Variants in PCNX1 observed in about 807,000 individuals in gnomAD.
The protein encoded by PCNX1 is pecanex 1.
In PCNX1, 78 loss-of-function variants were observed where a neutral mutation model predicts 242.2. The observed-to-expected ratio is 0.32, with a 90% CI of 0.27 to 0.39. The LOEUF (loss-of-function observed/expected upper bound fraction) is 0.39, where lower values mean the gene tolerates loss of function less well. Ranked by LOEUF, PCNX1 falls within the 10% of genes least tolerant of loss-of-function variation. The pLI, the probability that PCNX1 is intolerant of heterozygous loss-of-function variation, is 1.00. For synonymous variants in PCNX1, 1,024 were observed against 1,032.9 expected, an observed-to-expected ratio of 0.99 and a Z score of 0.17; for missense variants, 2,581 against 2,856.5, an observed-to-expected ratio of 0.90 and a Z score of 2.20.
intron 9 of PCNX1, among the ~76,000 whole-genome samples, chr14:71,010,737 T>C (rs1317395360): frequency 6.6e-6 from 1 of 152,120 alleles, no homozygotes; most frequent in Admixed American, 6.5e-5. Flanking sequence ...TTAGGACTTC[T>C]GTTTAATGAT....
intron 2 of PCNX1, among the ~76,000 whole-genome samples, chr14:70,947,400 A>G (rs2526854): frequency 0.7 from 106,915 of 152,034 alleles, 37,595 homozygotes; most frequent in South Asian, 0.77. Context: ...CAGAGGGACC[A>G]GCTGAAGCCA....
At position 71,031,605 on chromosome 14, in the gene PCNX1, C is replaced by T. The variant is rs149941231; in HGVS notation, c.3559-1824C>T. The stretch of plus-strand genomic sequence containing the variant: ...ACTCAGTCTAATCCTGCACAATAGA[C>T]TTAGGCAGCCCAGCTCTGCAGCTCA... On this transcript the variant is annotated intron_variant, in intron 16 of 35. Coordinates refer to ENST00000304743, the MANE Select transcript of PCNX1 (RefSeq NM_014982.3). The T allele has an allele frequency of 1.1e-3, 654 of 568,910 alleles. 7 individuals are homozygous for T. Among genetic ancestry groups the T allele is most frequent in the African/African-American group, 0.011 (606 of 53,826 alleles). 35.2% of individuals were successfully genotyped at this position (568,910 alleles called of 1,614,324 possible). A position where few individuals can be genotyped will look rare whatever the true frequency, so the allele number is the denominator to read the frequency against.
chr14:70,986,111 C>A (rs185764166), intron 6 of PCNX1, among the ~76,000 whole-genome samples: 2 of 152,264 alleles, frequency 1.3e-5, no homozygotes, highest in African/African-American at 4.8e-5. Context: ...TCGACTATTC[C>A]AAATAGAGAT....
In PCNX1 at chr14:70,914,872, C is replaced by T. The variant is rs141823706; in HGVS notation, c.153+6869C>T. On this transcript the variant is annotated intron_variant, in intron 1 of 35. Coordinates refer to ENST00000304743, the MANE Select transcript of PCNX1 (RefSeq NM_014982.3). ...GAGTTTTGATAAATGCACACGTTTG[C>T]GTAGTGTAGACTTGGCATGTTGTAG... 5.5e-4 allele frequency among the ~76,000 whole-genome samples: 84 copies of T among 152,272 alleles called. 2 individuals carry two copies. The East Asian group carries it at 0.012, about 22-fold the overall frequency.
chr14:71,029,583 A>C (rs2060326931), intron 16 of PCNX1, among the ~76,000 whole-genome samples: 1 of 152,234 alleles, frequency 6.6e-6, no homozygotes, highest in African/African-American at 2.4e-5. Context: ...GAAGGTTATG[A>C]AAACAGTTCT....
chr14:70,962,074 T>TG (rs2058235172), intron 2 of PCNX1, 152 bp from the exon 3 acceptor site: 2 of 587,746 alleles, frequency 3.4e-6, no homozygotes, highest in African/African-American at 1.9e-5. Flanking sequence ...AAATGAAGAA[T>TG]GATCGTTGTT....
intron 8 of PCNX1, among the ~76,000 whole-genome samples, chr14:70,999,581 A>C (rs2059445966): frequency 6.6e-6 from 1 of 152,048 alleles, no homozygotes; most frequent in Non-Finnish European, 1.5e-5. Flanking sequence ...GCTTGAATTG[A>C]TTTTCCTTAG....
At chr14:70,992,792 T>C (rs1223042833) in intron 7 of PCNX1, among the ~76,000 whole-genome samples, 1 of 152,220 alleles carries the variant, frequency 6.6e-6, no homozygotes, top group Non-Finnish European at 1.5e-5. Flanking sequence ...AAAAGATTTA[T>C]TTGTACCATT....
chr14:71,019,049 G>T lies in PCNX1; in HGVS notation c.3037G>T (p.Ala1013Ser), dbSNP rs990923723. Residue 1013 changes from alanine (A) to serine (S), a missense_variant, in exon 12 of 36, where the codon GCT becomes TCT. Around this residue, in one of 9 missense-constraint regions of PCNX1, gnomAD observed 55 missense variants for 49.8 expected, o/e 1.10. Transcript: ENST00000304743. ...GGAAAATGTGTTAGCTGTCATCCTG[G>T]CTATTCTCGTGGCCTTTTTGGGATC... The part of the protein sequence containing the change: ...ILENVLAVIL[A>S]ILVAFLGSIL... 3 of 1,612,814 alleles carry T rather than the reference G, an allele frequency of 1.9e-6. No homozygotes were observed. The African/African-American group carries it at 4.0e-5, about 22-fold the overall frequency.
chr14:70,928,962 C>T (rs1195476607), intron 1 of PCNX1, among the ~76,000 whole-genome samples: 3 of 152,178 alleles, frequency 2.0e-5, no homozygotes, highest in Non-Finnish European at 4.4e-5. Context: ...ACCATTTCAA[C>T]ACATAGGATA....
intron 11 of PCNX1, among the ~76,000 whole-genome samples, chr14:71,013,453 A>G (rs1467607514): frequency 6.6e-6 from 1 of 152,076 alleles, no homozygotes; most frequent in Non-Finnish European, 1.5e-5. Flanking sequence ...AGACTCATAC[A>G]ACTGCTAGTC....
rs544630119 is a variant in PCNX1 at position 71,004,879 on chromosome 14, A to G, written c.2630-4755A>G. ...TGAGTACTTCAGTCATATAGAATGT[A>G]TATGTTCCCCCAAATGTCTTTTAAA... On this transcript the variant is annotated intron_variant, in intron 8 of 35. Coordinates refer to ENST00000304743, the MANE Select transcript of PCNX1 (RefSeq NM_014982.3). Among the ~76,000 whole-genome samples, 11 of 152,332 alleles carry G rather than the reference A, an allele frequency of 7.2e-5. No homozygotes were observed. In the South Asian group the frequency reaches 2.1e-3, roughly 29 times the overall value.
chr14:70,909,200 T>G lies in PCNX1; in HGVS notation c.153+1197T>G, dbSNP rs115288565. ...GGAAAAGTGTCTGCTTGAGGGAAGA[T>G]GTGCACATTCTCAAGCAGATTCACA... On this transcript the variant is annotated intron_variant, in intron 1 of 35. Transcript: ENST00000304743. 5.2e-3 allele frequency among the ~76,000 whole-genome samples: 790 copies of G among 152,178 alleles called. 8 individuals are homozygous for G. Among genetic ancestry groups the G allele is most frequent in the African/African-American group, 0.018 (756 of 41,504 alleles).
rs532038971 is a variant in PCNX1, at chr14:70,911,176, C to G, written c.153+3173C>G. Among the ~76,000 whole-genome samples, 3 of 152,126 alleles carry G rather than the reference C, an allele frequency of 2.0e-5. No individual in the cohort carries two copies. In the South Asian group the frequency reaches 6.2e-4, roughly 32 times the overall value. ...AAAGTACATGTATAGGTTCTTTAAC[C>G]CCGTGACCTCATGAGGTTTTGCTGT... On this transcript the variant is annotated intron_variant, in intron 1 of 35. Transcript: ENST00000304743.
At chr14:71,079,721 C>T (rs28762775) in intron 28 of PCNX1, among the ~76,000 whole-genome samples, 2 of 151,454 alleles carry the variant, frequency 1.3e-5, no homozygotes, top group Admixed American at 1.3e-4. Flanking sequence ...ACTTTTGGAT[C>T]GGGTTTTTTT....
intron 26 of PCNX1, among the ~76,000 whole-genome samples, chr14:71,064,443 CA>C (rs1354023811): frequency 2.0e-5 from 3 of 152,034 alleles, no homozygotes; most frequent in Non-Finnish European, 1.5e-5. Context: ...GGTAAATGTC[CA>C]AACTTTTACA....
intron 8 of PCNX1, among the ~76,000 whole-genome samples, chr14:70,998,151 T>C (rs1469716196): frequency 6.6e-6 from 1 of 152,204 alleles, no homozygotes; most frequent in Non-Finnish European, 1.5e-5. Context: ...GAATCAGACA[T>C]TGTTTAATTC....
chr14:71,047,490 C>T (rs763153514), intron 21 of PCNX1, among the ~76,000 whole-genome samples: 1 of 152,044 alleles, frequency 6.6e-6, no homozygotes, highest in Non-Finnish European at 1.5e-5. Context: ...ATATGTTTTT[C>T]ATTTGCTAAA....
intron 30 of PCNX1, among the ~76,000 whole-genome samples, chr14:71,094,518 A>G (rs777563985): frequency 5.9e-5 from 9 of 152,366 alleles, no homozygotes; most frequent in Admixed American, 2.0e-4. Flanking sequence ...CCTTTCAGAC[A>G]TAGTCTTTGA....
Sources: allele counts gnomAD v4.1 joint callset (sites outside exome capture counted in the v4.1 genomes callset), GRCh38; gene constraint gnomAD v4.1.1; regional missense constraint gnomAD v4.1.1; transcripts MANE v1.5; gene names NCBI Gene and HGNC (gene_info 2026-07-23, HGNC 2026-07-21).